MANBA: variants seen among roughly 807,000 people sequenced by gnomAD.
The protein encoded by MANBA is beta-mannosidase.
A neutral mutation model predicts 111.1 loss-of-function variants in MANBA; 83 were observed. That is an observed-to-expected ratio of 0.75 (90% CI 0.63 to 0.90). The LOEUF (loss-of-function observed/expected upper bound fraction) is 0.90. Among genes scored for constraint, MANBA ranks in the 40% least tolerant of loss-of-function variants. The pLI is 0.00. For synonymous variants in MANBA, 370 were observed against 378.7 expected (o/e 0.98, Z 0.27); for missense variants, 1,036 against 1,069.0 (o/e 0.97, Z 0.43).
intron 12 of MANBA, among the ~76,000 whole-genome samples, chr4:102,657,228 G>C (rs866882501): frequency 2.5e-5 from 3 of 120,698 alleles, no homozygotes; most frequent in Non-Finnish European, 5.2e-5. Flanking sequence ...GGGGTGGGGG[G>C]GGGGTGGGCG....
intron 12 of MANBA, among the ~76,000 whole-genome samples, chr4:102,656,949 C>A (rs958111458): frequency 2.0e-5 from 3 of 152,032 alleles, no homozygotes; most frequent in African/African-American, 7.2e-5. Flanking sequence ...GGAGTGGTTG[C>A]TAATGGGTTC....
At chr4:102,720,048 A>G (rs898424469) in intron 4 of MANBA, among the ~76,000 whole-genome samples, 2 of 152,252 alleles carry the variant, frequency 1.3e-5, no homozygotes, top group African/African-American at 4.8e-5. Context: ...GCATATGGAT[A>G]TATGTATAAC....
Position 102,632,209 on chromosome 4 carries a change from A to G in MANBA, c.2488T>C (p.Leu830=), listed in dbSNP as rs138220936. ...CTCCCTGGGATGCTTCCTACATCCAACCAAACAAAGGGAGCGACAGCTGAG... is the reference window on the plus strand; with the variant it reads ...CTCCCTGGGATGCTTCCTACATCCAGCCAAACAAAGGGAGCGACAGCTGAG... ...ETSAVAPFVW[L]DVGSIPGRFS... Residue 830 remains leucine, a synonymous_variant, in exon 17 of 17, where the codon TTG becomes CTG. Coordinates refer to ENST00000647097, the MANE Select transcript of MANBA (RefSeq NM_005908.4). The G allele has an allele frequency of 3.7e-6, 6 of 1,613,742 alleles. No homozygotes were observed. The South Asian group carries it at 4.4e-5, about 12-fold the overall frequency.
intron 1 of MANBA, chr4:102,728,641 G>A: frequency 1.9e-6 from 1 of 523,550 alleles, no homozygotes; most frequent in Non-Finnish European, 3.4e-6. Context: ...TGGGTGGGTT[G>A]AGGGCTAGGG....
intron 8 of MANBA, among the ~76,000 whole-genome samples, chr4:102,672,849 C>T (rs1226276064): frequency 6.6e-6 from 1 of 152,108 alleles, no homozygotes. Flanking sequence ...ATCCCCTCAT[C>T]CCCCACCCCC....
intron 1 of MANBA, chr4:102,752,550 A>T: frequency 1.5e-6 from 1 of 688,008 alleles, no homozygotes; most frequent in Non-Finnish European, 2.8e-6. Context: ...TGTAGACTGG[A>T]TAGGGACACA....
At chr4:102,681,203 C>A (rs1439680028) in intron 7 of MANBA, among the ~76,000 whole-genome samples, 1 of 152,072 alleles carries the variant, frequency 6.6e-6, no homozygotes, top group Non-Finnish European at 1.5e-5. Context: ...ATAGGCAAGG[C>A]ATGGTAGCAT....
intron 5 of MANBA, among the ~76,000 whole-genome samples, chr4:102,710,651 T>C (rs1380466462): frequency 4.6e-5 from 7 of 151,026 alleles, no homozygotes; most frequent in Non-Finnish European, 8.9e-5. Flanking sequence ...TGTACAGAAA[T>C]AGAAAAAAAA....
intron 1 of MANBA, among the ~76,000 whole-genome samples, chr4:102,746,340 G>A (rs996787224): frequency 6.6e-6 from 1 of 152,294 alleles, no homozygotes; most frequent in South Asian, 2.1e-4. Flanking sequence ...AAGAGCTTGT[G>A]TCTATTTTTC....
intron 1 of MANBA, among the ~76,000 whole-genome samples, chr4:102,735,867 C>T (rs749919076): frequency 3.3e-5 from 5 of 152,132 alleles, no homozygotes; most frequent in Non-Finnish European, 7.4e-5. Flanking sequence ...AACTAAAGCT[C>T]CAAAAAGTGA....
chr4:102,686,320 C>T (rs1433775780), intron 7 of MANBA, among the ~76,000 whole-genome samples: 1 of 152,066 alleles, frequency 6.6e-6, no homozygotes, highest in Non-Finnish European at 1.5e-5. Context: ...CTGTAGCTTT[C>T]CCCCCTTCTA....
intron 4 of MANBA, chr4:102,722,276 T>G (rs1469783460): frequency 6.4e-6 from 1 of 157,280 alleles, no homozygotes; most frequent in Non-Finnish European, 1.4e-5. Flanking sequence ...ATGTACAGTT[T>G]ATACAATTAA....
rs555155237 is a variant in MANBA, at chr4:102,634,442, T to C, written c.2415+346A>G. Among the ~76,000 whole-genome samples the C allele has an allele frequency of 9.2e-5, 14 of 151,976 alleles. No homozygotes were observed. The South Asian group carries it at 2.9e-3, about 32-fold the overall frequency. On this transcript the variant is annotated intron_variant, in intron 16 of 16. Coordinates refer to ENST00000647097, the MANE Select transcript of MANBA (RefSeq NM_005908.4). ...ATAATGCCTGGAGCTGTGGTGAAAG[T>C]CAGAGACTATGAGGTGAAGCACCTA...
intron 13 of MANBA, among the ~76,000 whole-genome samples, chr4:102,645,573 T>C (rs146441345): frequency 1.3e-5 from 2 of 152,206 alleles, no homozygotes; most frequent in Non-Finnish European, 2.9e-5. Flanking sequence ...TATAGGGCTA[T>C]TAAGATTTTC....
intron 5 of MANBA, among the ~76,000 whole-genome samples, chr4:102,693,727 C>G (rs1427605798): frequency 4.3e-4 from 65 of 152,156 alleles, no homozygotes; most frequent in Non-Finnish European, 1.5e-5. Context: ...GTAGTTGTGA[C>G]AGATGCCTAA....
intron 1 of MANBA, chr4:102,751,549 A>C: frequency 3.7e-6 from 2 of 534,618 alleles, no homozygotes; most frequent in South Asian, 1.4e-5. Context: ...TTCCACAAAC[A>C]TATGGAGTTT....
intron 14 of MANBA, among the ~76,000 whole-genome samples, chr4:102,637,241 C>T (rs1729672973): frequency 6.6e-6 from 1 of 152,190 alleles, no homozygotes; most frequent in South Asian, 2.1e-4. Flanking sequence ...ACTACCATAG[C>T]CCTTGTTACA....
chr4:102,675,802 A>G (rs573802865), intron 7 of MANBA, among the ~76,000 whole-genome samples: 2 of 152,038 alleles, frequency 1.3e-5, no homozygotes, highest in African/African-American at 4.8e-5. Context: ...GTGAAATCCT[A>G]TCTCTACTAA....
chr4:102,751,957 G>A (rs1723819370), intron 1 of MANBA: 1 of 697,740 alleles, frequency 1.4e-6, no homozygotes, highest in South Asian at 1.4e-5. Context: ...GTGCTGCAGA[G>A]GTCATGCTGG....
Sources: allele counts gnomAD v4.1 joint callset (sites outside exome capture counted in the v4.1 genomes callset), GRCh38; gene constraint gnomAD v4.1.1; transcripts MANE v1.5; gene names NCBI Gene and HGNC (gene_info 2026-07-23, HGNC 2026-07-21).